SHISAL1: variants seen among roughly 807,000 people sequenced by gnomAD.
The protein encoded by SHISAL1 is shisa like 1, also known as protein shisa-like-1.
Under a neutral mutation model 22.6 loss-of-function variants are expected in SHISAL1, and 9 were observed. The ratio of observed to expected loss-of-function variants is 0.40; its 90% CI spans 0.24 to 0.70. The LOEUF (loss-of-function observed/expected upper bound fraction) is 0.70, where lower values mean the gene tolerates loss of function less well. Among genes scored for constraint, SHISAL1 ranks in the 30% least tolerant of loss-of-function variants. The pLI is 0.39. For missense variants in SHISAL1, 246 were observed against 270.6 expected (o/e 0.91, Z 0.64); for synonymous variants, 119 against 115.4 (o/e 1.03, Z -0.20).
chr22:44,298,876 G>A (rs971091080), intron 2 of SHISAL1, among the ~76,000 whole-genome samples: 2 of 152,218 alleles, frequency 1.3e-5, no homozygotes, highest in Admixed American at 1.3e-4. Flanking sequence ...ATGGGCTTTG[G>A]CCATTTGGTA....
rs887684240 is a variant in SHISAL1 at position 44,246,202 on chromosome 22, AAC to A, written c.*3481_*3482del. 3.0e-4 allele frequency: 45 copies of A among 152,312 alleles called. No homozygotes were observed. Among genetic ancestry groups the A allele is most frequent in the Admixed American group, 1.2e-3 (18 of 15,296 alleles). The allele number at this position is 152,312 out of a possible 1,614,324, so 9.4% of individuals were successfully genotyped here. ...TATTGGTTCTGAATAGAGATTCTGA[AAC>A]ACACAACAATCACACCGTACACAGA... On this transcript the variant is annotated 3_prime_UTR_variant, in exon 5 of 5. Coordinates refer to ENST00000381176, the MANE Select transcript of SHISAL1 (RefSeq NM_001099294.2).
intron 4 of SHISAL1, among the ~76,000 whole-genome samples, chr22:44,270,048 GCA>G (rs1316090586): frequency 6.6e-6 from 1 of 152,196 alleles, no homozygotes; most frequent in Non-Finnish European, 1.5e-5. Context: ...ACTGCCTCGG[GCA>G]CAGTGATAGC....
chr22:44,278,005 G>A (rs1424974651), intron 4 of SHISAL1, among the ~76,000 whole-genome samples: 1 of 152,184 alleles, frequency 6.6e-6, no homozygotes, highest in East Asian at 1.9e-4. Context: ...GGTTAATACT[G>A]AGTGTCAACT....
intron 1 of SHISAL1, among the ~76,000 whole-genome samples, chr22:44,303,715 G>A (rs187940431): frequency 6.5e-4 from 99 of 152,328 alleles, no homozygotes; most frequent in Non-Finnish European, 9.9e-4. Context: ...AGCCTGGTCC[G>A]TGGAAGGGCT....
At chr22:44,292,618 G>C (rs1344466585) in intron 3 of SHISAL1, among the ~76,000 whole-genome samples, 1 of 152,180 alleles carries the variant, frequency 6.6e-6, no homozygotes, top group East Asian at 1.9e-4. Flanking sequence ...ACTCTACCTG[G>C]GTCCCCGTGC....
upstream of SHISAL1, among the ~76,000 whole-genome samples, chr22:44,317,904 G>A (rs1179689644): frequency 6.6e-6 from 1 of 152,252 alleles, no homozygotes; most frequent in African/African-American, 2.4e-5. Context: ...GCAACAGGAT[G>A]GCTAATGAAC....
At chr22:44,253,422 T>C (rs1601774291) in intron 4 of SHISAL1, among the ~76,000 whole-genome samples, 3 of 125,000 alleles carry the variant, frequency 2.4e-5, no homozygotes, top group South Asian at 2.6e-4. Flanking sequence ...CTAGTATTAG[T>C]GCATGTTTTT....
At chr22:44,278,737 G>A (rs2055257023) in intron 4 of SHISAL1, among the ~76,000 whole-genome samples, 1 of 152,112 alleles carries the variant, frequency 6.6e-6, no homozygotes, top group Admixed American at 6.5e-5. Flanking sequence ...TGCACCTCAG[G>A]GGCCTCCGTG....
At chr22:44,323,487 T>C in the SHISAL1 span, among the ~76,000 whole-genome samples, 9 of 103,500 alleles carry the variant, frequency 8.7e-5, no homozygotes, top group Non-Finnish European at 1.8e-4. Flanking sequence ...CATTCATCCA[T>C]CCATGCATCC....
At chr22:44,277,674 G>A (rs555285933) in intron 4 of SHISAL1, among the ~76,000 whole-genome samples, 10 of 152,270 alleles carry the variant, frequency 6.6e-5, no homozygotes, top group Non-Finnish European at 1.2e-4. Context: ...AGACAGAGGC[G>A]TGCTCACAGA....
intron 3 of SHISAL1, among the ~76,000 whole-genome samples, chr22:44,288,278 A>T (rs2055329789): frequency 6.6e-6 from 1 of 152,144 alleles, no homozygotes; most frequent in Non-Finnish European, 1.5e-5. Context: ...TGAGCTCTAG[A>T]GTTGCGCTCC....
chr22:44,280,644 C>G (rs1416124939), intron 4 of SHISAL1, among the ~76,000 whole-genome samples: 1 of 151,884 alleles, frequency 6.6e-6, no homozygotes, highest in Non-Finnish European at 1.5e-5. Context: ...AGGAGGCAGC[C>G]GAGGCCCTCT....
the SHISAL1 span, among the ~76,000 whole-genome samples, chr22:44,331,475 C>A: frequency 6.6e-5 from 10 of 151,370 alleles, no homozygotes; most frequent in Non-Finnish European, 1.5e-5. This position sits in a 1 kb window ranked among gnomAD's most constrained non-coding sequence, Gnocchi z 5.2. Context: ...CCGCCCTGCC[C>A]GCCCCGGGGC....
At chr22:44,259,002 GAAACCA>G (rs2055103586) in intron 4 of SHISAL1, among the ~76,000 whole-genome samples, 1 of 152,158 alleles carries the variant, frequency 6.6e-6, no homozygotes, top group South Asian at 2.1e-4. Flanking sequence ...CCAAGGGTTG[GAAACCA>G]GAATGAAGCC....
chr22:44,270,595 G>C (rs1262924616), intron 4 of SHISAL1, among the ~76,000 whole-genome samples: 1 of 152,224 alleles, frequency 6.6e-6, no homozygotes, highest in East Asian at 1.9e-4. Context: ...ATCAGGGCCA[G>C]CTCGCATGGA....
chr22:44,319,647 G>A, the SHISAL1 span, among the ~76,000 whole-genome samples: 13 of 152,350 alleles, frequency 8.5e-5, no homozygotes, highest in African/African-American at 2.2e-4. Context: ...ACACCACAGC[G>A]GAGAGGGAAC....
intron 4 of SHISAL1, among the ~76,000 whole-genome samples, chr22:44,249,933 T>C (rs1434131336): frequency 6.6e-6 from 1 of 152,156 alleles, no homozygotes; most frequent in Non-Finnish European, 1.5e-5. Context: ...AGAATAGGAC[T>C]GGAATAGAAG....
intron 4 of SHISAL1, among the ~76,000 whole-genome samples, chr22:44,265,695 TAG>T (rs1395983091): frequency 6.6e-6 from 1 of 152,204 alleles, no homozygotes; most frequent in Non-Finnish European, 1.5e-5. Flanking sequence ...ACAGCAGAGC[TAG>T]AGATTCTGGG....
chr22:44,308,658 G>A (rs1371901482), intron 1 of SHISAL1, among the ~76,000 whole-genome samples: 2 of 152,190 alleles, frequency 1.3e-5, no homozygotes, highest in Admixed American at 6.5e-5. Flanking sequence ...CCATGCTAGG[G>A]CAGGGGCTGG....
Sources: allele counts gnomAD v4.1 joint callset (sites outside exome capture counted in the v4.1 genomes callset), GRCh38; gene constraint gnomAD v4.1.1; non-coding constraint Gnocchi (gnomAD v3.1); transcripts MANE v1.5; gene names NCBI Gene and HGNC (gene_info 2026-07-23, HGNC 2026-07-21).